RBFOX1: variants seen among roughly 807,000 people sequenced by gnomAD.
The protein encoded by RBFOX1 is RNA binding fox-1 homolog 1, also known as RNA binding protein fox-1 homolog 1.
In RBFOX1, 8 loss-of-function variants were observed where a neutral mutation model predicts 57.7. That is an observed-to-expected ratio of 0.14 (90% confidence interval 0.08 to 0.25). The LOEUF (loss-of-function observed/expected upper bound fraction) is 0.25, where lower values mean the gene tolerates loss of function less well. Among genes scored for constraint, RBFOX1 ranks in the 10% least tolerant of loss-of-function variants. The pLI, the probability that RBFOX1 is intolerant of heterozygous loss-of-function variation, is 1.00. For missense variants in RBFOX1, 611 were observed against 548.5 expected, an observed-to-expected ratio of 1.11 and a Z score of -1.14; for synonymous variants, 326 against 222.4, an observed-to-expected ratio of 1.47 and a Z score of -4.15.
rs911369473 is a variant in RBFOX1, at chr16:7,581,252, C to G, written c.414+1332C>G. Among the ~76,000 whole-genome samples, 17 of 152,296 alleles carry G rather than the reference C, an allele frequency of 1.1e-4. No homozygotes were observed. In the South Asian group the frequency reaches 3.5e-3, roughly 32 times the overall value. Reference sequence around the variant, plus strand: ...AATAACCTTGAGTTGAGCCTTCCAACTCCTGCAGAACAGAGATACCCTCGG... The same window carrying G: ...AATAACCTTGAGTTGAGCCTTCCAAGTCCTGCAGAACAGAGATACCCTCGG... On this transcript the variant is annotated intron_variant, in intron 6 of 15. Transcript: ENST00000550418.
chr16:5,501,371 C>G (rs1023794807), intron 2 of RBFOX1, among the ~76,000 whole-genome samples: 3 of 150,564 alleles, frequency 2.0e-5, no homozygotes, highest in Non-Finnish European at 4.4e-5. Context: ...TTATCTATTC[C>G]CCAGCCAAGC....
intron 4 of RBFOX1, among the ~76,000 whole-genome samples, chr16:7,256,468 C>T (rs1039568872): frequency 6.6e-6 from 1 of 152,216 alleles, no homozygotes; most frequent in Non-Finnish European, 1.5e-5. Context: ...GCTGACCTTT[C>T]ACCAAGGAGC....
intron 4 of RBFOX1, among the ~76,000 whole-genome samples, chr16:5,929,970 A>C (rs2059015963): frequency 6.6e-6 from 1 of 151,786 alleles, no homozygotes; most frequent in African/African-American, 2.4e-5. Context: ...CTGGTCAGGA[A>C]AGGAGAAAGA....
At chr16:6,219,336 T>A (rs2097356653) in intron 1 of RBFOX1, among the ~76,000 whole-genome samples, 1 of 151,954 alleles carries the variant, frequency 6.6e-6, no homozygotes. Flanking sequence ...GTAATAGTTA[T>A]CCTGCGGTCA....
intron 3 of RBFOX1, among the ~76,000 whole-genome samples, chr16:5,831,127 C>A (rs1466261011): frequency 1.3e-5 from 2 of 152,170 alleles, no homozygotes; most frequent in Non-Finnish European, 2.9e-5. Context: ...TGGTTTGGAT[C>A]TGCGTTCCGA....
intron 2 of RBFOX1, among the ~76,000 whole-genome samples, chr16:5,497,192 G>C (rs1029540761): frequency 6.6e-6 from 1 of 152,250 alleles, no homozygotes; most frequent in African/African-American, 2.4e-5. Context: ...ACCGGGGTTG[G>C]TGAATTTAGA....
At chr16:7,696,640 A>G (rs557567372) in intron 14 of RBFOX1, among the ~76,000 whole-genome samples, 271 of 152,284 alleles carry the variant, frequency 1.8e-3, no homozygotes, top group African/African-American at 6.0e-3. Context: ...AGAAGGTCTC[A>G]TCAAAAGACC....
chr16:6,140,502 G>C (rs1026367173), intron 1 of RBFOX1, among the ~76,000 whole-genome samples: 1 of 152,058 alleles, frequency 6.6e-6, no homozygotes, highest in African/African-American at 2.4e-5. Flanking sequence ...AGCCAGAAAT[G>C]CTTCTACTTT....
chr16:5,333,169 A>C (rs2341524), intron 1 of RBFOX1, among the ~76,000 whole-genome samples: 143,215 of 152,184 alleles, frequency 0.94, 68,026 homozygotes, highest in East Asian at 1. Flanking sequence ...GCCTGGGCGA[A>C]AGAGCAAGAC....
intron 1 of RBFOX1, among the ~76,000 whole-genome samples, chr16:6,186,787 A>G (rs1425630389): frequency 2.0e-5 from 3 of 152,170 alleles, no homozygotes; most frequent in African/African-American, 7.2e-5. Context: ...TGGGGAGTGA[A>G]AAGGAGATGG....
intron 2 of RBFOX1, among the ~76,000 whole-genome samples, chr16:5,550,042 C>G (rs958841354): frequency 2.6e-5 from 4 of 152,198 alleles, no homozygotes; most frequent in African/African-American, 4.8e-5. Flanking sequence ...CCTACTGTTT[C>G]TCGCAGATGA....
intron 3 of RBFOX1, among the ~76,000 whole-genome samples, chr16:5,673,259 G>A (rs2050069154): frequency 6.6e-6 from 1 of 152,134 alleles, no homozygotes. Context: ...TCAACAAGAA[G>A]CAACCCACAT....
At chr16:6,048,576 T>C (rs2095518911) in intron 1 of RBFOX1, among the ~76,000 whole-genome samples, 1 of 152,200 alleles carries the variant, frequency 6.6e-6, no homozygotes, top group African/African-American at 2.4e-5. Context: ...AATAACTCTG[T>C]AACCTTGCTT....
chr16:5,384,617 G>C (rs963163377), intron 1 of RBFOX1, among the ~76,000 whole-genome samples: 1 of 152,152 alleles, frequency 6.6e-6, no homozygotes, highest in Non-Finnish European at 1.5e-5. Flanking sequence ...GGCATTCTAG[G>C]TTTTTGAGCA....
intron 2 of RBFOX1, among the ~76,000 whole-genome samples, chr16:6,463,471 A>T (rs1429617362): frequency 1.3e-5 from 2 of 152,174 alleles, no homozygotes; most frequent in Admixed American, 6.5e-5. Context: ...GGCAGGTAAC[A>T]TTTGGGGTCA....
At chr16:6,000,520 C>T (rs551959106) in intron 4 of RBFOX1, among the ~76,000 whole-genome samples, 22 of 152,086 alleles carry the variant, frequency 1.4e-4, no homozygotes, top group African/African-American at 3.4e-4. Context: ...CTCTCTTGTA[C>T]GCAAAATAAG....
intron 1 of RBFOX1, among the ~76,000 whole-genome samples, chr16:5,379,781 C>G (rs559459882): frequency 1.1e-4 from 17 of 152,224 alleles, no homozygotes; most frequent in Middle Eastern, 3.2e-3. Flanking sequence ...CACCAGGGCT[C>G]TCCCTTTGAT....
chr16:6,281,972 A>G (rs1459340984), intron 1 of RBFOX1, among the ~76,000 whole-genome samples: 1 of 152,148 alleles, frequency 6.6e-6, no homozygotes, highest in Non-Finnish European at 1.5e-5. Context: ...GAGAGACAGA[A>G]ACGGGTGAGC....
intron 4 of RBFOX1, among the ~76,000 whole-genome samples, chr16:7,318,372 GTGA>G (rs2096483837): frequency 6.6e-6 from 1 of 152,078 alleles, no homozygotes; most frequent in Non-Finnish European, 1.5e-5. Flanking sequence ...GGTGGTGGTG[GTGA>G]TGATGTTTGG....
Sources: allele counts gnomAD v4.1 joint callset (sites outside exome capture counted in the v4.1 genomes callset), GRCh38; gene constraint gnomAD v4.1.1; transcripts MANE v1.5; gene names NCBI Gene and HGNC (gene_info 2026-07-23, HGNC 2026-07-21).